MYO5A: variants seen among roughly 807,000 people sequenced by gnomAD.
The protein encoded by MYO5A is unconventional myosin-Va.
MYO5A carries 98 observed loss-of-function variants against 249.7 expected under a neutral mutation model. That is an observed-to-expected ratio of 0.39 (90% CI 0.33 to 0.46). The LOEUF (loss-of-function observed/expected upper bound fraction) is 0.46. MYO5A is among the 20% of genes least tolerant of loss of function. The pLI is 0.98. For synonymous variants in MYO5A, 778 were observed against 810.6 expected (o/e 0.96, Z 0.68); for missense variants, 1,696 against 2,308.8 (o/e 0.73, Z 5.44).
intron 1 of MYO5A, among the ~76,000 whole-genome samples, chr15:52,503,185 T>C (rs569700357): frequency 3.3e-5 from 5 of 152,342 alleles, no homozygotes; most frequent in Admixed American, 3.3e-4. Context: ...ACAGACTAAT[T>C]TGAATGTTTC....
At chr15:52,402,719 C>T (rs761170139) in intron 9 of MYO5A, among the ~76,000 whole-genome samples, 16 of 152,084 alleles carry the variant, frequency 1.1e-4, no homozygotes, top group Non-Finnish European at 1.9e-4. Flanking sequence ...GTGGCACACA[C>T]CTGTAATCCC....
chr15:52,485,259 TAAAAAAA>T (rs72085613), intron 1 of MYO5A, among the ~76,000 whole-genome samples: 3 of 102,746 alleles, frequency 2.9e-5, no homozygotes, highest in South Asian at 6.0e-4. Flanking sequence ...ATTCACTATG[TAAAAAAA>T]AAAAAAAAAA....
intron 1 of MYO5A, among the ~76,000 whole-genome samples, chr15:52,444,871 G>A (rs1337909952): frequency 6.6e-6 from 1 of 152,090 alleles, no homozygotes; most frequent in African/African-American, 2.4e-5. Flanking sequence ...TCTTAACATG[G>A]TAAGATTTAA....
intron 10 of MYO5A, among the ~76,000 whole-genome samples, chr15:52,396,770 T>C (rs1432739337): frequency 1.3e-5 from 2 of 152,058 alleles, no homozygotes; most frequent in Non-Finnish European, 2.9e-5. Context: ...AGGAGGGAAA[T>C]AGGAACAGAG....
intron 1 of MYO5A, among the ~76,000 whole-genome samples, chr15:52,476,759 T>A (rs2076604005): frequency 6.6e-6 from 1 of 152,202 alleles, no homozygotes; most frequent in Non-Finnish European, 1.5e-5. Flanking sequence ...TGCCGAGAGA[T>A]CTGCAGTTAG....
chr15:52,494,848 G>C (rs531853994), intron 1 of MYO5A, among the ~76,000 whole-genome samples: 1 of 152,118 alleles, frequency 6.6e-6, no homozygotes, highest in Non-Finnish European at 1.5e-5. Context: ...CAAGTGTTAA[G>C]GATTCCGCTG....
At chr15:52,447,173 G>C (rs2075909679) in intron 1 of MYO5A, among the ~76,000 whole-genome samples, 1 of 152,170 alleles carries the variant, frequency 6.6e-6, no homozygotes, top group Non-Finnish European at 1.5e-5. Context: ...TGGAGGTAGG[G>C]CCTGGTGGAA....
Position 52,319,513 on chromosome 15 carries a change from T to C in MYO5A, c.4952-171A>G, listed in dbSNP as rs577538180. Among the ~76,000 whole-genome samples, 8 of 152,230 alleles carry C rather than the reference T, an allele frequency of 5.3e-5. No individual in the cohort carries two copies. The South Asian group carries it at 8.3e-4, about 16-fold the overall frequency. On this transcript the variant is annotated intron_variant, in intron 38 of 41. Coordinates refer to ENST00000399233, the MANE Select transcript of MYO5A (RefSeq NM_001382347.1). ...GAGGCCGCCGAGGTGGGTGGATCAC[T>C]GGAGGCCAGGAGTTCAAGACCAGCC...
intron 1 of MYO5A, 54 bp downstream of exon 1, chr15:52,528,726 G>A: frequency 1.3e-6 from 2 of 1,483,500 alleles, no homozygotes; most frequent in Non-Finnish European, 1.8e-6. Flanking sequence ...CCTGACAGCT[G>A]GCGGCGAGGG....
intron 37 of MYO5A, among the ~76,000 whole-genome samples, chr15:52,322,056 G>C (rs974321809): frequency 6.6e-6 from 1 of 152,194 alleles, no homozygotes; most frequent in Non-Finnish European, 1.5e-5. Context: ...AATCTTTGGT[G>C]GTATCTGTTA....
At chr15:52,478,612 C>A (rs1246912802) in intron 1 of MYO5A, among the ~76,000 whole-genome samples, 4 of 152,184 alleles carry the variant, frequency 2.6e-5, no homozygotes, top group African/African-American at 9.7e-5. Flanking sequence ...ATCAAACTAT[C>A]CTTTGCTGGC....
chr15:52,339,600 G>C (rs2039287447), intron 32 of MYO5A, among the ~76,000 whole-genome samples: 1 of 151,538 alleles, frequency 6.6e-6, no homozygotes, highest in Non-Finnish European at 1.5e-5. Flanking sequence ...ATCTGACAAG[G>C]AAAAAGACAA....
intron 1 of MYO5A, among the ~76,000 whole-genome samples, chr15:52,451,423 T>C (rs2076018340): frequency 1.3e-5 from 2 of 152,222 alleles, no homozygotes; most frequent in Admixed American, 1.3e-4. Flanking sequence ...GCCAGAGTGA[T>C]GTTTTTGAAA....
chr15:52,501,918 T>C (rs544568261), intron 1 of MYO5A, among the ~76,000 whole-genome samples: 2 of 149,560 alleles, frequency 1.3e-5, no homozygotes, highest in South Asian at 2.1e-4. Context: ...CACTGTATTT[T>C]ACTTTTCTCT....
chr15:52,379,759 T>G (rs775453515), intron 17 of MYO5A, 26 bp from the exon 18 acceptor site: 2 of 1,613,984 alleles, frequency 1.2e-6, no homozygotes, highest in Non-Finnish European at 1.7e-6. Flanking sequence ...CATCTGAGTT[T>G]ACTTAAAGAA....
intron 9 of MYO5A, among the ~76,000 whole-genome samples, chr15:52,399,010 AAAAT>A (rs1002183635): frequency 1.3e-5 from 2 of 151,720 alleles, no homozygotes; most frequent in African/African-American, 4.8e-5. Context: ...TTTTTTTCTT[AAAAT>A]TAAAAAAAAA....
Position 52,397,293 on chromosome 15 carries a change from G to A in MYO5A, c.1227C>T (p.Ala409=). The change falls in exon 10 of 42, where the codon GCC becomes GCT. Residue 409 remains alanine, a synonymous_variant. Coordinates refer to ENST00000399233, the MANE Select transcript of MYO5A (RefSeq NM_001382347.1). ...ARDALAKHIY[A]KLFNWIVDNV... is the part of the protein sequence containing the mutation. ...TATCTACAATCCAGTTAAAGAGCTTGGCATAGATGTGCTTGGCCAAAGCAT... is the reference window on the plus strand; with the variant it reads ...TATCTACAATCCAGTTAAAGAGCTTAGCATAGATGTGCTTGGCCAAAGCAT... 6.2e-7 allele frequency: 1 copy of A among 1,614,086 alleles called. No homozygotes were observed. The highest frequency in any genetic ancestry group is 8.5e-7 in the Non-Finnish European group (1 of 1,179,972).
At position 52,438,758 on chromosome 15, in the gene MYO5A, C is replaced by T. The variant is rs2462851; in HGVS notation, c.28-5473G>A. On this transcript the variant is annotated intron_variant, in intron 1 of 41. Transcript: ENST00000399233. Reference sequence around the variant, plus strand: ...GGCAACGGCTACCCTCTTTGGGTCCCCTCCCTTTGTATGGGAGCTCTGTCT... The same window carrying T: ...GGCAACGGCTACCCTCTTTGGGTCCTCTCCCTTTGTATGGGAGCTCTGTCT... Among the ~76,000 whole-genome samples the T allele has an allele frequency of 8.6e-3, 1,306 of 152,362 alleles. 5 individuals are homozygous for T. Among genetic ancestry groups the T allele is most frequent in the Non-Finnish European group, 0.014 (964 of 68,028 alleles).
intron 1 of MYO5A, among the ~76,000 whole-genome samples, chr15:52,501,442 A>G (rs2077157003): frequency 6.6e-6 from 1 of 152,044 alleles, no homozygotes; most frequent in South Asian, 2.1e-4. Context: ...TCTACAAAAA[A>G]ATACAAAAAT....
Sources: allele counts gnomAD v4.1 joint callset (sites outside exome capture counted in the v4.1 genomes callset), GRCh38; gene constraint gnomAD v4.1.1; transcripts MANE v1.5; gene names NCBI Gene and HGNC (gene_info 2026-07-23, HGNC 2026-07-21).